The following SH3BP4 variants were observed in gnomAD, a reference collection of about 807,000 sequenced individuals.
The protein encoded by SH3BP4 is SH3 domain-binding protein 4.
In SH3BP4, 33 loss-of-function variants were observed where a neutral mutation model predicts 65.5. That is an observed-to-expected ratio of 0.50 (90% CI 0.38 to 0.67). The LOEUF (loss-of-function observed/expected upper bound fraction) is 0.67, where lower values mean the gene tolerates loss of function less well. SH3BP4 is among the 30% of genes least tolerant of loss of function. The pLI is 0.00. For synonymous variants in SH3BP4, 552 were observed against 545.5 expected (o/e 1.01, Z -0.17); for missense variants, 1,134 against 1,261.4 (o/e 0.90, Z 1.53).
At chr2:234,973,559 G>A (rs548522679) in intron 1 of SH3BP4, among the ~76,000 whole-genome samples, 1 of 152,050 alleles carries the variant, frequency 6.6e-6, no homozygotes, top group African/African-American at 2.4e-5. Context: ...TGAGGCAGTC[G>A]TATGCAATAC....
Position 234,997,160 on chromosome 2 carries a change from C to A in SH3BP4, c.-133+1784C>A, listed in dbSNP as rs767106011. The stretch of plus-strand genomic sequence containing the variant: ...GGTGGGGTGTAGGGGTGCTTGGGGG[C>A]GTGGGTCCCCACAGCAGTTAGAGAC... On this transcript the variant is annotated intron_variant, in intron 2 of 5. Coordinates refer to ENST00000392011, the MANE Select transcript of SH3BP4 (RefSeq NM_014521.3). This position sits in a 1 kb window ranked among gnomAD's most constrained non-coding sequence, Gnocchi z 4.2. Among the ~76,000 whole-genome samples the A allele has an allele frequency of 3.9e-5, 6 of 152,142 alleles. No individual in the cohort carries two copies. Among genetic ancestry groups the A allele is most frequent in the Non-Finnish European group, 8.8e-5 (6 of 68,028 alleles).
chr2:234,973,381 C>T (rs940410446), intron 1 of SH3BP4, among the ~76,000 whole-genome samples: 18 of 152,198 alleles, frequency 1.2e-4, no homozygotes, highest in African/African-American at 4.1e-4. Context: ...TAACATTTCC[C>T]TTCCAATCTT....
chr2:234,993,095 G>GC (rs1559235659), intron 1 of SH3BP4, among the ~76,000 whole-genome samples: 1 of 152,256 alleles, frequency 6.6e-6, no homozygotes, highest in African/African-American at 2.4e-5. Context: ...CTTCTGGGGA[G>GC]CGCCCGGTGG....
At chr2:234,964,995 C>T (rs1357849627) in intron 1 of SH3BP4, among the ~76,000 whole-genome samples, 2 of 152,164 alleles carry the variant, frequency 1.3e-5, no homozygotes, top group Non-Finnish European at 2.9e-5. Flanking sequence ...TCTCCCAGCC[C>T]AGTGCTCCCG....
chr2:234,983,687 G>A (rs61415129), intron 1 of SH3BP4, among the ~76,000 whole-genome samples: 1,745 of 152,290 alleles, frequency 0.011, 40 homozygotes, highest in African/African-American at 0.037. Context: ...TGTTATCACG[G>A]GTCTTTTAAG....
At chr2:235,038,305 A>AGTATATATAC (rs1553567352) in intron 3 of SH3BP4, among the ~76,000 whole-genome samples, 2 of 15,556 alleles carry the variant, frequency 1.3e-4, no homozygotes, top group South Asian at 1.7e-3. Flanking sequence ...TATATTATAT[A>AGTATATATAC]TATATATTAT....
At chr2:234,963,843 T>C (rs1298970147) in intron 1 of SH3BP4, among the ~76,000 whole-genome samples, 2 of 152,164 alleles carry the variant, frequency 1.3e-5, no homozygotes, top group African/African-American at 4.8e-5. Flanking sequence ...TGGACTGCAG[T>C]TGGATCTGGC....
chr2:234,959,763 T>G (rs1692665555), intron 1 of SH3BP4, among the ~76,000 whole-genome samples: 2 of 151,848 alleles, frequency 1.3e-5, no homozygotes, highest in African/African-American at 2.4e-5. Flanking sequence ...GTGATTCTCC[T>G]GCCTCAGCCC....
At chr2:234,989,845 G>A (rs1370959076) in intron 1 of SH3BP4, among the ~76,000 whole-genome samples, 4 of 152,184 alleles carry the variant, frequency 2.6e-5, no homozygotes, top group Non-Finnish European at 4.4e-5. Flanking sequence ...CCCGCGGGCT[G>A]TAGTTTGCCT....
rs1695260227 is a variant in SH3BP4 at position 235,033,156 on chromosome 2, C to T, written c.-132-1715C>T. On this transcript the variant is annotated intron_variant, in intron 2 of 5. Coordinates refer to ENST00000392011, the MANE Select transcript of SH3BP4 (RefSeq NM_014521.3). The surrounding 1 kb of genome is among the most constrained non-coding windows in gnomAD (Gnocchi z 5.7). ...CCATGCCCTCCTCTCCTGCCGCCTG[C>T]TGCATTCAAGCACCACAGCCCCGGT... 6.6e-6 allele frequency among the ~76,000 whole-genome samples: 1 copy of T among 152,182 alleles called. No individual in the cohort carries two copies. The highest frequency in any genetic ancestry group is 2.4e-5 in the African/African-American group (1 of 41,450).
At chr2:235,039,090 G>C (rs770977765) in intron 3 of SH3BP4, among the ~76,000 whole-genome samples, 1 of 152,110 alleles carries the variant, frequency 6.6e-6, no homozygotes, top group African/African-American at 2.4e-5. Context: ...TTAGGCTCTG[G>C]AGATCACACA....
Position 235,052,588 on chromosome 2 carries a change from C to T in SH3BP4, c.2505C>T (p.Gly835=). 1 of 1,552,240 alleles carries T rather than the reference C, an allele frequency of 6.4e-7. No individual in the cohort carries two copies. The change falls in exon 5 of 6, where the codon GGC becomes GGT. Residue 835 remains glycine (G), a synonymous_variant. Transcript: ENST00000392011. This position sits in a 1 kb window ranked among gnomAD's most constrained non-coding sequence, Gnocchi z 5.0. ...CCCTACTGAAGATGGACTGCCAGGGCCTGGTGGTCAGACTCATCCAGGACT... is the reference window on the plus strand; with the variant it reads ...CCCTACTGAAGATGGACTGCCAGGGTCTGGTGGTCAGACTCATCCAGGACT... ...VMALLKMDCQ[G]LVVRLIQDFV...
rs142429272 is a variant in SH3BP4, at chr2:235,042,606, C to T, written c.1837C>T (p.Pro613Ser). Reference protein sequence around the residue: ...QFCVQTPQPPPKSAIKPSGQR... With the variant: ...QFCVQTPQPPSKSAIKPSGQR... ...TTGTGTCCAGACTCCTCAGCCACCC[C>T]CTAAAAGTGCCATCAAGCCTTCCGG... The change falls in exon 4 of 6, where the codon CCT becomes TCT. Residue 613 changes from proline (P) to serine (S), a missense_variant. Pro to Ser is a moderately conservative substitution (Grantham distance 74). Coordinates refer to ENST00000392011, the MANE Select transcript of SH3BP4 (RefSeq NM_014521.3). This position sits in a 1 kb window ranked among gnomAD's most constrained non-coding sequence, Gnocchi z 7.3. The T allele has an allele frequency of 2.5e-6, 4 of 1,613,946 alleles. No individual in the cohort carries two copies. In the South Asian group the frequency reaches 3.3e-5, roughly 13 times the overall value.
In SH3BP4 at chr2:234,976,421, G is replaced by A. The variant is rs925016809; in HGVS notation, c.-206-18882G>A. ...CTGAGTAGTTAAGTTAGATCCTTAG[G>A]GGGTGACAGGGCCGGTGTGTACCAG... On this transcript the variant is annotated intron_variant, in intron 1 of 5. Transcript: ENST00000392011. The surrounding 1 kb of genome is among the most constrained non-coding windows in gnomAD (Gnocchi z 4.7). 6.6e-6 allele frequency among the ~76,000 whole-genome samples: 1 copy of A among 152,286 alleles called. No individual in the cohort carries two copies. Among genetic ancestry groups the A allele is most frequent in the Middle Eastern group, 3.4e-3 (1 of 294 alleles).
intron 2 of SH3BP4, among the ~76,000 whole-genome samples, chr2:235,019,170 G>A (rs560840889): frequency 6.6e-6 from 1 of 152,148 alleles, no homozygotes; most frequent in South Asian, 2.1e-4. Context: ...GACTTAATTT[G>A]CAGGGTGCCC....
intron 2 of SH3BP4, among the ~76,000 whole-genome samples, chr2:235,025,574 C>A (rs1487194549): frequency 6.6e-6 from 1 of 152,226 alleles, no homozygotes. Flanking sequence ...CTGTGGGAGA[C>A]AATCCAAGCT....
rs763823536 is a variant in SH3BP4 at position 235,041,982 on chromosome 2, C to G, written c.1213C>G (p.Leu405Val). The part of the protein sequence containing the change: ...MKVSAEIKND[L>V]FSKSTVGLQC... ...AGTGTCAGCCGAGATAAAAAATGACCTTTTTAGCAAAAGCACAGTGGGCCT... is the reference window on the plus strand; with the variant it reads ...AGTGTCAGCCGAGATAAAAAATGACGTTTTTAGCAAAAGCACAGTGGGCCT... The change falls in exon 4 of 6, where the codon CTT (leucine) becomes GTT (valine). Residue 405 changes from leucine to valine, a missense_variant. Physicochemically the swap from Leu to Val is conservative, Grantham distance 32. Coordinates refer to ENST00000392011, the MANE Select transcript of SH3BP4 (RefSeq NM_014521.3). The surrounding 1 kb of genome is among the most constrained non-coding windows in gnomAD (Gnocchi z 6.0). 2.5e-6 allele frequency: 4 copies of G among 1,613,322 alleles called. No individual in the cohort carries two copies. The highest frequency in any genetic ancestry group is 1.7e-6 in the Non-Finnish European group (2 of 1,179,432).
At position 235,042,297 on chromosome 2, in the gene SH3BP4, A is replaced by G; in HGVS notation, c.1528A>G (p.Thr510Ala). 1 of 1,614,128 alleles carries G rather than the reference A, an allele frequency of 6.2e-7. No individual in the cohort carries two copies. The highest frequency in any genetic ancestry group is 8.5e-7 in the Non-Finnish European group (1 of 1,180,028). The change falls in exon 4 of 6, where the codon ACA (threonine) becomes GCA (alanine). Residue 510 changes from threonine (T) to alanine (A), a missense_variant. Thr to Ala is a moderately conservative substitution (Grantham distance 58). Coordinates refer to ENST00000392011, the MANE Select transcript of SH3BP4 (RefSeq NM_014521.3). This position sits in a 1 kb window ranked among gnomAD's most constrained non-coding sequence, Gnocchi z 7.3. ...AAAGACGCTCCTGGTCAGCGAGGTC[A>G]CACGCCAGGCACCCAACCCTGCCCC... ...APKTLLVSEV[T>A]RQAPNPAPVA...
chr2:234,990,919 C>T (rs1363490275), intron 1 of SH3BP4, among the ~76,000 whole-genome samples: 1 of 152,150 alleles, frequency 6.6e-6, no homozygotes, highest in Non-Finnish European at 1.5e-5. Context: ...CCTCACCCCC[C>T]ATCTTAGTCA....
Sources: allele counts gnomAD v4.1 joint callset (sites outside exome capture counted in the v4.1 genomes callset), GRCh38; gene constraint gnomAD v4.1.1; non-coding constraint Gnocchi (gnomAD v3.1); transcripts MANE v1.5; gene names NCBI Gene and HGNC (gene_info 2026-07-23, HGNC 2026-07-21).